Variants in FKBP5 observed in about 807,000 individuals in gnomAD.
FKBP5 encodes the protein peptidyl-prolyl cis-trans isomerase FKBP5.
In FKBP5, 23 loss-of-function variants were observed where a neutral mutation model predicts 50.5. The ratio of observed to expected loss-of-function variants is 0.46; its 90% CI spans 0.33 to 0.65. The LOEUF (loss-of-function observed/expected upper bound fraction) is 0.65. FKBP5 is among the 30% of genes least tolerant of loss of function. The pLI, the probability that FKBP5 is intolerant of heterozygous loss-of-function variation, is 0.02. For synonymous variants in FKBP5, 176 were observed against 190.6 expected, an observed-to-expected ratio of 0.92 and a Z score of 0.63; for missense variants, 411 against 553.1, an observed-to-expected ratio of 0.74 and a Z score of 2.58.
chr6:35,700,803 C>G (rs1172410466), intron 2 of FKBP5, among the ~76,000 whole-genome samples: 2 of 151,986 alleles, frequency 1.3e-5, no homozygotes, highest in South Asian at 4.2e-4. Flanking sequence ...ACTAAAAATA[C>G]AACAAATTAG....
chr6:35,631,138 T>G (rs1254639552), intron 3 of FKBP5, among the ~76,000 whole-genome samples: 6 of 152,218 alleles, frequency 3.9e-5, no homozygotes, highest in Non-Finnish European at 8.8e-5. Context: ...TGGCTAAAGT[T>G]AAAAAGATCG....
chr6:35,617,711 T>C (rs1361609913), intron 5 of FKBP5, among the ~76,000 whole-genome samples: 2 of 152,244 alleles, frequency 1.3e-5, no homozygotes, highest in African/African-American at 4.8e-5. Flanking sequence ...CAGGAAATGC[T>C]GAACACAAAA....
intron 8 of FKBP5, chr6:35,583,371 TAGA>T: frequency 1.0e-6 from 1 of 985,464 alleles, no homozygotes; most frequent in Non-Finnish European, 1.2e-6. Context: ...ATCAGAATGG[TAGA>T]AGGCCATGGT....
At chr6:35,608,801 T>TTTA (rs746723343) in intron 5 of FKBP5, among the ~76,000 whole-genome samples, 392 of 152,076 alleles carry the variant, frequency 2.6e-3, no homozygotes, top group African/African-American at 3.8e-3. Flanking sequence ...TTATTATTGT[T>TTTA]TTATTATTAT....
intron 2 of FKBP5, among the ~76,000 whole-genome samples, chr6:35,703,337 G>C (rs1450403398): frequency 6.6e-6 from 1 of 152,108 alleles, no homozygotes; most frequent in African/African-American, 2.4e-5. Context: ...ACTTGAACCC[G>C]GGAGGCGGAG....
intron 3 of FKBP5, among the ~76,000 whole-genome samples, chr6:35,622,330 G>A (rs1289737733): frequency 6.6e-6 from 1 of 152,004 alleles, no homozygotes; most frequent in Non-Finnish European, 1.5e-5. Flanking sequence ...GGGCAACATA[G>A]TGAAACTCCA....
intron 1 of FKBP5, among the ~76,000 whole-genome samples, chr6:35,646,967 A>C (rs17542466): frequency 1.3e-5 from 2 of 152,284 alleles, no homozygotes; most frequent in East Asian, 3.9e-4. Flanking sequence ...TTTTAAAGCC[A>C]TATCTACCAA....
intron 2 of FKBP5, among the ~76,000 whole-genome samples, chr6:35,705,194 A>G (rs1393796273): frequency 2.1e-5 from 3 of 142,706 alleles, no homozygotes; most frequent in Non-Finnish European, 4.6e-5. Context: ...TGTGAAATGC[A>G]AATATATATA....
At chr6:35,616,960 C>A (rs1001018172) in intron 5 of FKBP5, among the ~76,000 whole-genome samples, 1 of 151,656 alleles carries the variant, frequency 6.6e-6, no homozygotes, top group Admixed American at 6.6e-5. Context: ...AGTTTTAGGG[C>A]TAGTAGGACC....
chr6:35,670,244 A>G (rs1334416227), intron 1 of FKBP5, among the ~76,000 whole-genome samples: 1 of 152,326 alleles, frequency 6.6e-6, no homozygotes, highest in Non-Finnish European at 1.5e-5. Flanking sequence ...ATGATTCACG[A>G]TTCACTTTTA....
intron 1 of FKBP5, among the ~76,000 whole-genome samples, chr6:35,645,245 T>C (rs1368204541): frequency 3.3e-5 from 5 of 152,184 alleles, no homozygotes; most frequent in South Asian, 4.1e-4. Context: ...TACAAGACCA[T>C]TGGCCTACAC....
intron 1 of FKBP5, among the ~76,000 whole-genome samples, chr6:35,727,365 G>A (rs1391416187): frequency 6.6e-6 from 1 of 152,210 alleles, no homozygotes; most frequent in African/African-American, 2.4e-5. Flanking sequence ...TAAACCAGGG[G>A]TTTGGAGCTA....
chr6:35,609,851 C>A (rs1218343986), intron 5 of FKBP5, among the ~76,000 whole-genome samples: 1 of 152,112 alleles, frequency 6.6e-6, no homozygotes, highest in Non-Finnish European at 1.5e-5. Flanking sequence ...GGGAAGTTGG[C>A]TTTTTGACTT....
At chr6:35,650,635 C>T (rs1764773335) in intron 1 of FKBP5, among the ~76,000 whole-genome samples, 1 of 151,784 alleles carries the variant, frequency 6.6e-6, no homozygotes, top group African/African-American at 2.4e-5. Context: ...CACCAATGCC[C>T]GGCTAATTTT....
At chr6:35,612,644 C>T (rs1763524689) in intron 5 of FKBP5, among the ~76,000 whole-genome samples, 1 of 152,206 alleles carries the variant, frequency 6.6e-6, no homozygotes, top group Non-Finnish European at 1.5e-5. Context: ...CCTCAGGAAA[C>T]TTACAATCAT....
chr6:35,612,713 G>A (rs1763527207), intron 5 of FKBP5, among the ~76,000 whole-genome samples: 1 of 152,228 alleles, frequency 6.6e-6, no homozygotes, highest in Non-Finnish European at 1.5e-5. Flanking sequence ...GGAAGAGCCA[G>A]CAGGGTTTCC....
At chr6:35,597,954 A>G (rs1203801324) in intron 5 of FKBP5, among the ~76,000 whole-genome samples, 4 of 152,236 alleles carry the variant, frequency 2.6e-5, no homozygotes, top group Non-Finnish European at 5.9e-5. Flanking sequence ...AAAGACAACA[A>G]CATCAATAAC....
chr6:35,579,110 T>C (rs892208003), intron 9 of FKBP5, among the ~76,000 whole-genome samples: 1 of 151,498 alleles, frequency 6.6e-6, no homozygotes, highest in African/African-American at 2.4e-5. Context: ...CTGGGCAAAA[T>C]AGCAACAACT....
chr6:35,727,700 G>C (rs1406647019), intron 1 of FKBP5, among the ~76,000 whole-genome samples: 3 of 152,252 alleles, frequency 2.0e-5, no homozygotes, highest in Admixed American at 6.5e-5. Context: ...GGTCTCGCAA[G>C]TCTGGGGCTG....
Sources: allele counts gnomAD v4.1 joint callset (sites outside exome capture counted in the v4.1 genomes callset), GRCh38; gene constraint gnomAD v4.1.1; transcripts MANE v1.5; gene names NCBI Gene and HGNC (gene_info 2026-07-23, HGNC 2026-07-21).